Variants in CTNNA1 observed in about 807,000 individuals in gnomAD.
The protein encoded by CTNNA1 is catenin alpha-1.
Under a neutral mutation model 98.4 loss-of-function variants are expected in CTNNA1, and 37 were observed. The ratio of observed to expected loss-of-function variants is 0.38; its 90% CI spans 0.29 to 0.49. CTNNA1 has a LOEUF of 0.49. Among genes scored for constraint, CTNNA1 ranks in the 20% least tolerant of loss-of-function variants. CTNNA1 has a pLI of 0.95. For missense variants in CTNNA1, 761 were observed against 1,147.2 expected, an observed-to-expected ratio of 0.66 and a Z score of 4.86; for synonymous variants, 404 against 413.2, an observed-to-expected ratio of 0.98 and a Z score of 0.27.
In CTNNA1 at chr5:138,778,011, T is replaced by TTTTA. The variant is rs1158300576; in HGVS notation, c.-2-3912_-2-3911insTTTA. 1.8e-4 allele frequency among the ~76,000 whole-genome samples: 24 copies of TTTTA among 134,906 alleles called. 1 individual carries two copies. Among genetic ancestry groups the TTTTA allele is most frequent in the African/African-American group, 7.0e-4 (24 of 34,474 alleles). 88.5% of individuals were successfully genotyped at this position (134,906 alleles called of 152,430 possible). Reference sequence around the variant, plus strand: ...GTCTTTTTTTTTTTTTTTTTTTTTTTAAACAGAGTCTTGCTCTGTGGCCCA... The same window carrying TTTTA: ...GTCTTTTTTTTTTTTTTTTTTTTTTTTTTAAAACAGAGTCTTGCTCTGTGGCCCA... On this transcript the variant is annotated intron_variant, in intron 1 of 17. Coordinates refer to ENST00000302763, the MANE Select transcript of CTNNA1 (RefSeq NM_001903.5).
At chr5:138,770,214 T>C (rs1474158934) in intron 1 of CTNNA1, among the ~76,000 whole-genome samples, 1 of 152,268 alleles carries the variant, frequency 6.6e-6, no homozygotes, top group East Asian at 1.9e-4. Context: ...AAATGTCTTC[T>C]GTATTTTCTT....
At chr5:138,832,400 T>C (rs1761354638) in intron 7 of CTNNA1, among the ~76,000 whole-genome samples, 1 of 152,218 alleles carries the variant, frequency 6.6e-6, no homozygotes, top group Non-Finnish European at 1.5e-5. Context: ...CCAGGTTTCC[T>C]TGAAATGAAA....
At chr5:138,837,591 C>T (rs965933645) in intron 7 of CTNNA1, among the ~76,000 whole-genome samples, 60 of 142,054 alleles carry the variant, frequency 4.2e-4, no homozygotes, top group Middle Eastern at 3.5e-3. Context: ...TCTCTCTTCT[C>T]TCTCTCCTCT....
chr5:138,856,498 C>A (rs1270759713), intron 7 of CTNNA1, among the ~76,000 whole-genome samples: 2 of 152,120 alleles, frequency 1.3e-5, no homozygotes. Context: ...TGTGTTACCA[C>A]ACTCGGCTAA....
chr5:138,892,510 G>T (rs1755679391), intron 9 of CTNNA1, among the ~76,000 whole-genome samples: 1 of 151,112 alleles, frequency 6.6e-6, no homozygotes, highest in African/African-American at 2.4e-5. Flanking sequence ...GGCCATTTTT[G>T]TATTTTTAGA....
rs1751001820 is a variant in CTNNA1, at chr5:138,874,099, A to G, written c.1063-12113A>G. 6.2e-7 allele frequency: 1 copy of G among 1,613,854 alleles called. No individual in the cohort carries two copies. The highest frequency in any genetic ancestry group is 8.5e-7 in the Non-Finnish European group (1 of 1,179,766). On this transcript the variant is annotated intron_variant, in intron 7 of 17. Coordinates refer to ENST00000302763, the MANE Select transcript of CTNNA1 (RefSeq NM_001903.5). This position sits in a 1 kb window ranked among gnomAD's most constrained non-coding sequence, Gnocchi z 4.1. ...GCAAGGTCTGCAGCTTCCGAAGGCC[A>G]TAGAAGAGCTCTGGGTGCAGAGATG... is the stretch of plus-strand genomic sequence containing the variant.
At chr5:138,927,250 G>A (rs566176838) in intron 13 of CTNNA1, among the ~76,000 whole-genome samples, 199 of 152,278 alleles carry the variant, frequency 1.3e-3, no homozygotes, top group Middle Eastern at 3.4e-3. Context: ...TCCACAGGCC[G>A]CCACGTCACT....
intron 7 of CTNNA1, chr5:138,870,439 T>C (rs1275927785): frequency 6.6e-6 from 1 of 152,230 alleles, no homozygotes; most frequent in African/African-American, 2.4e-5. Flanking sequence ...GCAAAAAATT[T>C]TGATTTTTTT....
chr5:138,859,555 C>T lies in CTNNA1; in HGVS notation c.1063-26657C>T, dbSNP rs143380497. Among the ~76,000 whole-genome samples the T allele has an allele frequency of 5.5e-3, 835 of 152,298 alleles. 2 individuals carry two copies. The highest frequency in any genetic ancestry group is 9.3e-3 in the Non-Finnish European group (635 of 68,030). On this transcript the variant is annotated intron_variant, in intron 7 of 17. Transcript: ENST00000302763. ...TATTGAATCTTAATTGTTCTGCATC[C>T]CCCACTTTCCTAATGTGTTCCACTT... is the stretch of plus-strand genomic sequence containing the variant.
At chr5:138,788,555 A>C (rs1304271285) in intron 3 of CTNNA1, among the ~76,000 whole-genome samples, 2 of 152,150 alleles carry the variant, frequency 1.3e-5, no homozygotes, top group African/African-American at 2.4e-5. Context: ...ATCATCCCCC[A>C]AAAGAAACCT....
At chr5:138,891,063 G>C (rs765397131) in intron 9 of CTNNA1, 1 of 152,148 alleles carries the variant, frequency 6.6e-6, no homozygotes, top group African/African-American at 2.4e-5. Context: ...GCTTTTTGTC[G>C]ATCCTTTTTA....
intron 7 of CTNNA1, among the ~76,000 whole-genome samples, chr5:138,839,178 G>T (rs1762057030): frequency 6.6e-6 from 1 of 151,406 alleles, no homozygotes; most frequent in Non-Finnish European, 1.5e-5. Flanking sequence ...TGCTACCTTT[G>T]TAATGTTCTG....
chr5:138,830,813 T>TA (rs1374980090), intron 7 of CTNNA1, among the ~76,000 whole-genome samples: 2 of 152,170 alleles, frequency 1.3e-5, no homozygotes, highest in Non-Finnish European at 2.9e-5. Flanking sequence ...ATAGGGGGTT[T>TA]AATGGGAGTG....
In CTNNA1 at chr5:138,928,940, G is replaced by GA. The variant is rs5871688; in HGVS notation, c.1900-295dup. ...GACAGAGCGAGACTCTGTCTCAAAG[G>GA]AAAAAAAAAAACAATCATGTCTTAC... On this transcript the variant is annotated intron_variant, in intron 13 of 17. Transcript: ENST00000302763. Among the ~76,000 whole-genome samples the GA allele has an allele frequency of 0.3, 43,043 of 145,168 alleles. 6,295 individuals carry two copies. Among genetic ancestry groups the GA allele is most frequent in the Middle Eastern group, 0.35 (100 of 288 alleles).
At chr5:138,869,380 T>A (rs1765127447) in intron 7 of CTNNA1, 1 of 151,918 alleles carries the variant, frequency 6.6e-6, no homozygotes, top group African/African-American at 2.4e-5. Context: ...CTCTCTTTTT[T>A]TTTTTTTTTC....
intron 11 of CTNNA1, among the ~76,000 whole-genome samples, chr5:138,918,556 C>T (rs1285863890): frequency 6.6e-6 from 1 of 152,126 alleles, no homozygotes; most frequent in Non-Finnish European, 1.5e-5. Context: ...GGTAATTCAC[C>T]TCACAAAAAC....
Position 138,917,733 on chromosome 5 carries a change from C to G in CTNNA1, c.1390-9C>G, listed in dbSNP as rs760052631. ...AAGAGTAAACAGTGAAGTTTAATAT[C>G]TTTTGCAGGTTATTAATGCTGCACT... On this transcript the variant is annotated splice_polypyrimidine_tract_variant and intron_variant, in intron 10 of 17. Coordinates refer to ENST00000302763, the MANE Select transcript of CTNNA1 (RefSeq NM_001903.5). 1 of 1,613,386 alleles carries G rather than the reference C, an allele frequency of 6.2e-7. No homozygotes were observed. The highest frequency in any genetic ancestry group is 1.1e-5 in the South Asian group (1 of 90,912).
chr5:138,931,151 CT>C (rs2150339104), intron 16 of CTNNA1: 1 of 545,574 alleles, frequency 1.8e-6, no homozygotes, highest in African/African-American at 1.9e-5. Context: ...AAATTAACCT[CT>C]GCTATTGTCT....
intron 7 of CTNNA1, chr5:138,881,146 G>A: frequency 2.2e-6 from 1 of 455,806 alleles, no homozygotes; most frequent in Non-Finnish European, 4.4e-6. Flanking sequence ...AGGTAAGACT[G>A]TCCTCCTTGA....
Sources: allele counts gnomAD v4.1 joint callset (sites outside exome capture counted in the v4.1 genomes callset), GRCh38; gene constraint gnomAD v4.1.1; non-coding constraint Gnocchi (gnomAD v3.1); transcripts MANE v1.5; gene names NCBI Gene and HGNC (gene_info 2026-07-23, HGNC 2026-07-21).